Variants in NRXN3 observed in about 807,000 individuals in gnomAD.
NRXN3 encodes the protein neurexin III.
A neutral mutation model predicts 137.6 loss-of-function variants in NRXN3; 32 were observed. The observed-to-expected ratio is 0.23, with a 90% CI of 0.18 to 0.31. The LOEUF is 0.31. Among genes scored for constraint, NRXN3 ranks in the 10% least tolerant of loss-of-function variants. NRXN3 has a pLI of 1.00. For synonymous variants in NRXN3, 798 were observed against 784.5 expected, an observed-to-expected ratio of 1.02 and a Z score of -0.29; for missense variants, 1,574 against 2,062.5, an observed-to-expected ratio of 0.76 and a Z score of 4.59.
rs1446424130 is a variant in NRXN3, at chr14:78,644,228, C to G, written c.758-892C>G. ...GCCTGCACAAGCCCTGAAAAACAGG[C>G]TTAAGGCTTTTTGGGTGGGCAATTA... is the stretch of plus-strand genomic sequence containing the variant. On this transcript the variant is annotated intron_variant, in intron 4 of 20. Coordinates refer to ENST00000335750, the MANE Select transcript of NRXN3 (RefSeq NM_001330195.2). 2.6e-5 allele frequency among the ~76,000 whole-genome samples: 4 copies of G among 151,680 alleles called. No homozygotes were observed. The East Asian group carries it at 7.8e-4, about 29-fold the overall frequency.
chr14:79,682,545 A>C (rs2154014640), intron 17 of NRXN3, among the ~76,000 whole-genome samples: 1 of 152,300 alleles, frequency 6.6e-6, no homozygotes, highest in African/African-American at 2.4e-5. Flanking sequence ...AGCCTTAAAA[A>C]TTCTATGCAG....
intron 16 of NRXN3, among the ~76,000 whole-genome samples, chr14:79,608,816 A>G (rs539980699): frequency 1.3e-5 from 2 of 152,254 alleles, no homozygotes; most frequent in East Asian, 3.9e-4. Context: ...AAAAAACCCC[A>G]AACCTTTATG....
intron 15 of NRXN3, among the ~76,000 whole-genome samples, chr14:79,195,851 GAAATA>G (rs750493415): frequency 3.3e-5 from 5 of 152,200 alleles, no homozygotes; most frequent in Non-Finnish European, 5.9e-5. Flanking sequence ...AAGGAATTGG[GAAATA>G]AAATAGTTAA....
intron 15 of NRXN3, among the ~76,000 whole-genome samples, chr14:79,060,940 A>G (rs1027893408): frequency 6.6e-6 from 1 of 152,022 alleles, no homozygotes; most frequent in Non-Finnish European, 1.5e-5. Flanking sequence ...TGCATCACTG[A>G]TTATATCAAA....
At chr14:79,702,926 G>GAA (rs35832451) in intron 19 of NRXN3, among the ~76,000 whole-genome samples, 160 of 129,394 alleles carry the variant, frequency 1.2e-3, no homozygotes, top group African/African-American at 3.7e-3. Flanking sequence ...GTTATCAGCA[G>GAA]AAAAAAAAAA....
intron 16 of NRXN3, among the ~76,000 whole-genome samples, chr14:79,586,007 A>G (rs2097763052): frequency 6.6e-6 from 1 of 152,212 alleles, no homozygotes; most frequent in Non-Finnish European, 1.5e-5. Context: ...GCTCCCTCAA[A>G]TAAGCACAAC....
chr14:78,890,403 C>T (rs1039338510), intron 10 of NRXN3, among the ~76,000 whole-genome samples: 12 of 151,972 alleles, frequency 7.9e-5, no homozygotes, highest in African/African-American at 2.9e-4. Flanking sequence ...ATAATCTAAG[C>T]ACACATTGTG....
intron 4 of NRXN3, among the ~76,000 whole-genome samples, chr14:78,553,098 A>G (rs192114137): frequency 6.6e-6 from 1 of 152,370 alleles, no homozygotes; most frequent in African/African-American, 2.4e-5. Context: ...TGCTATGATT[A>G]TCTTTAACCA....
chr14:78,297,683 CAT>C (rs1471233356), intron 3 of NRXN3, 146 bp from the exon 4 acceptor site: 5 of 656,490 alleles, frequency 7.6e-6, no homozygotes, highest in African/African-American at 1.8e-5. Flanking sequence ...TGGAGTCTGA[CAT>C]GTGAGCAAGC....
At chr14:79,755,721 T>G (rs1300017753) in intron 19 of NRXN3, among the ~76,000 whole-genome samples, 2 of 152,188 alleles carry the variant, frequency 1.3e-5, no homozygotes, top group Non-Finnish European at 2.9e-5. Flanking sequence ...TAGCTTGCTT[T>G]TTATGCTAGG....
intron 15 of NRXN3, among the ~76,000 whole-genome samples, chr14:79,134,367 T>G (rs550222441): frequency 2.4e-3 from 360 of 152,344 alleles, no homozygotes; most frequent in Non-Finnish European, 3.0e-3. Flanking sequence ...ATTAGGAAAC[T>G]TGAACGAAGA....
chr14:78,574,587 C>A (rs933982378), intron 4 of NRXN3, among the ~76,000 whole-genome samples: 3 of 152,336 alleles, frequency 2.0e-5, no homozygotes, highest in Admixed American at 1.3e-4. Context: ...TGCATGGGAC[C>A]TGTAGCCCCT....
At chr14:78,441,580 A>AT (rs767656085) in intron 4 of NRXN3, among the ~76,000 whole-genome samples, 155 of 132,614 alleles carry the variant, frequency 1.2e-3, no homozygotes, top group Middle Eastern at 7.4e-3. Context: ...CATTCATATT[A>AT]TTTTTTTTTT....
At chr14:79,813,249 T>C (rs2099240995) in intron 20 of NRXN3, among the ~76,000 whole-genome samples, 1 of 152,174 alleles carries the variant, frequency 6.6e-6, no homozygotes, top group East Asian at 1.9e-4. Flanking sequence ...ATCATAATTA[T>C]AATGCTGACT....
At chr14:78,968,581 A>T (rs1350681170) in intron 14 of NRXN3, among the ~76,000 whole-genome samples, 1 of 152,184 alleles carries the variant, frequency 6.6e-6, no homozygotes, top group Non-Finnish European at 1.5e-5. Context: ...CATACTTGCC[A>T]ATAAAAATAA....
chr14:78,900,582 A>G (rs574202798), intron 10 of NRXN3, among the ~76,000 whole-genome samples: 1 of 152,032 alleles, frequency 6.6e-6, no homozygotes, highest in Non-Finnish European at 1.5e-5. Context: ...TGGGATGCAG[A>G]CAAATATATG....
chr14:79,812,584 ATTTTAG>A (rs1249504428), intron 20 of NRXN3, among the ~76,000 whole-genome samples: 1 of 152,168 alleles, frequency 6.6e-6, no homozygotes, highest in East Asian at 1.9e-4. Context: ...ATTCTTCTGT[ATTTTAG>A]TTTGGTGACA....
intron 15 of NRXN3, chr14:79,280,419 C>T (rs1299951705): frequency 3.7e-6 from 6 of 1,614,090 alleles, no homozygotes; most frequent in Non-Finnish European, 5.1e-6. Context: ...GCTTCCTCCT[C>T]CTCCACCTCT....
At chr14:78,918,190 C>T (rs993452316) in intron 10 of NRXN3, among the ~76,000 whole-genome samples, 8 of 141,758 alleles carry the variant, frequency 5.6e-5, no homozygotes, top group African/African-American at 1.3e-4. Context: ...GAGGCTGAGG[C>T]GGGAGAATCG....
Sources: gnomAD v4.1 joint callset for allele counts (sites outside exome capture counted in the v4.1 genomes callset) on GRCh38, gnomAD v4.1.1 for gene constraint, MANE v1.5 for transcripts, NCBI Gene and HGNC (gene_info 2026-07-23, HGNC 2026-07-21) for gene names.